Variants in PBX1 observed in about 807,000 individuals in gnomAD.
The protein encoded by PBX1 is PBX homeobox 1, also known as pre-B-cell leukemia transcription factor 1.
PBX1 carries 6 observed loss-of-function variants against 53.4 expected under a neutral mutation model. The ratio of observed to expected loss-of-function variants is 0.11; its 90% CI spans 0.06 to 0.22. The LOEUF (loss-of-function observed/expected upper bound fraction) is 0.22. Among genes scored for constraint, PBX1 ranks in the 10% least tolerant of loss-of-function variants. The pLI is 1.00. For synonymous variants in PBX1, 204 were observed against 212.3 expected, an observed-to-expected ratio of 0.96 and a Z score of 0.34; for missense variants, 251 against 551.4, an observed-to-expected ratio of 0.46 and a Z score of 5.46.
At chr1:164,587,805 G>A (rs1214550448) in intron 2 of PBX1, among the ~76,000 whole-genome samples, 4 of 152,162 alleles carry the variant, frequency 2.6e-5, no homozygotes, top group African/African-American at 9.7e-5. Context: ...CGCCACACCA[G>A]GGGGTGTCCC....
chr1:164,585,225 G>T lies in PBX1; in HGVS notation c.265+21914G>T, dbSNP rs1022914446. 2.0e-5 allele frequency among the ~76,000 whole-genome samples: 3 copies of T among 152,118 alleles called. No individual in the cohort carries two copies. The South Asian group carries it at 6.2e-4, about 32-fold the overall frequency. On this transcript the variant is annotated intron_variant, in intron 2 of 8. Transcript: ENST00000420696. ...CTCTTCCTGGGGAAGAGTGAAAGAAGAATTTTACCCACCTTTTTCCATTCC... is the reference window on the plus strand; with the variant it reads ...CTCTTCCTGGGGAAGAGTGAAAGAATAATTTTACCCACCTTTTTCCATTCC...
intron 2 of PBX1, among the ~76,000 whole-genome samples, chr1:164,872,669 G>C (rs1267480386): frequency 1.3e-5 from 2 of 152,166 alleles, no homozygotes; most frequent in Non-Finnish European, 2.9e-5. Context: ...CTTTTTGGCA[G>C]CCACCACACA....
chr1:164,701,026 A>C (rs1342025756), intron 2 of PBX1, among the ~76,000 whole-genome samples: 1 of 152,208 alleles, frequency 6.6e-6, no homozygotes, highest in Non-Finnish European at 1.5e-5. Flanking sequence ...ACATTACGCA[A>C]ATAGCCAAGT....
chr1:164,655,115 T>A (rs1433700781), intron 2 of PBX1, among the ~76,000 whole-genome samples: 26 of 137,252 alleles, frequency 1.9e-4, no homozygotes, highest in African/African-American at 6.7e-4. Flanking sequence ...TTTTTTTTTT[T>A]TATTTTTATT....
chr1:164,836,058 T>A (rs911995361), intron 8 of PBX1, among the ~76,000 whole-genome samples: 2 of 152,146 alleles, frequency 1.3e-5, no homozygotes, highest in Non-Finnish European at 2.9e-5. Context: ...CCTTGGCTTG[T>A]TTATATAGCC....
rs937839812 is a variant in PBX1, at chr1:164,588,929, T to C, written c.265+25618T>C. ...CCTTTCTGTTGTTTAAAGAGAATCT[T>C]TCTCTCTTTTTTGAGGCTCCAGCGG... On this transcript the variant is annotated intron_variant, in intron 2 of 8. Transcript: ENST00000420696. Among the ~76,000 whole-genome samples, 6 of 152,148 alleles carry C rather than the reference T, an allele frequency of 3.9e-5. No homozygotes were observed. In the South Asian group the frequency reaches 8.3e-4, roughly 21 times the overall value.
chr1:164,689,352 A>G (rs1473393579), intron 2 of PBX1, among the ~76,000 whole-genome samples: 1 of 150,750 alleles, frequency 6.6e-6, no homozygotes, highest in Non-Finnish European at 1.5e-5. Context: ...TTTCCTCCAG[A>G]ATAACCTGTC....
chr1:164,875,759 T>C (rs901213707), intron 2 of PBX1, among the ~76,000 whole-genome samples: 6 of 152,128 alleles, frequency 3.9e-5, no homozygotes, highest in African/African-American at 1.4e-4. Context: ...AGCCCTTTCT[T>C]AAAGGGATAT....
chr1:164,621,230 G>A (rs924630090), intron 2 of PBX1, among the ~76,000 whole-genome samples: 2 of 150,682 alleles, frequency 1.3e-5, no homozygotes, highest in African/African-American at 4.9e-5. Flanking sequence ...CTTGTGATCC[G>A]CCTGCCTCAG....
intron 2 of PBX1, among the ~76,000 whole-genome samples, chr1:164,575,425 T>C (rs1181952067): frequency 6.6e-6 from 1 of 152,198 alleles, no homozygotes; most frequent in African/African-American, 2.4e-5. Context: ...TTGAGACAGG[T>C]TGAATCTGCC....
chr1:164,830,764 G>A (rs969391279), intron 8 of PBX1, among the ~76,000 whole-genome samples: 24 of 152,072 alleles, frequency 1.6e-4, no homozygotes, highest in African/African-American at 5.8e-4. Flanking sequence ...CCTCTGCCTC[G>A]CCGTTTCTTC....
intron 2 of PBX1, chr1:164,656,990 A>G (rs1385459306): frequency 6.6e-6 from 1 of 152,216 alleles, no homozygotes; most frequent in East Asian, 1.9e-4. Flanking sequence ...TCAAACTCCC[A>G]TATGGAGTAT....
intron 2 of PBX1, among the ~76,000 whole-genome samples, chr1:164,671,183 CTT>C (rs113820078): frequency 2.7e-4 from 40 of 145,480 alleles, no homozygotes; most frequent in Admixed American, 2.8e-4. Context: ...TAAGATAGCC[CTT>C]TTTTTTTTTT....
chr1:164,687,980 A>G (rs73023286), intron 2 of PBX1, among the ~76,000 whole-genome samples: 2,652 of 152,216 alleles, frequency 0.017, 83 homozygotes, highest in African/African-American at 0.061. Context: ...CTCTGTTATG[A>G]TATGCCCAAG....
chr1:164,729,271 C>T (rs375689058), intron 2 of PBX1, among the ~76,000 whole-genome samples: 117 of 152,280 alleles, frequency 7.7e-4, no homozygotes, highest in Non-Finnish European at 1.4e-3. Flanking sequence ...TGAGTTTTCC[C>T]TAAATGATAA....
At position 164,632,261 on chromosome 1, in the gene PBX1, G is replaced by C. The variant is rs543124258; in HGVS notation, c.265+68950G>C. 2.7e-4 allele frequency among the ~76,000 whole-genome samples: 41 copies of C among 152,298 alleles called. 1 individual carries two copies. The highest frequency in any genetic ancestry group is 6.8e-3 in the Middle Eastern group (2 of 294). ...TCATTGACATGGCTGCACTGGAGTT[G>C]AAGTTACAAAGCAGGAAGTATCATT... On this transcript the variant is annotated intron_variant, in intron 2 of 8. Transcript: ENST00000420696.
chr1:164,884,548 GC>G (rs1404540796), intron 2 of PBX1: 2 of 512,486 alleles, frequency 3.9e-6, no homozygotes, highest in Non-Finnish European at 7.6e-6. Context: ...CCAGGAAATT[GC>G]AAGAACCTAT....
intron 2 of PBX1, among the ~76,000 whole-genome samples, chr1:164,707,884 A>G (rs1219784526): frequency 6.6e-6 from 1 of 152,226 alleles, no homozygotes; most frequent in Non-Finnish European, 1.5e-5. Flanking sequence ...CGATTGCGCT[A>G]TCTTGATTAG....
rs946028772 is a variant in PBX1, at chr1:164,846,727, G to A, written c.*51G>A. On this transcript the variant is annotated 3_prime_UTR_variant, in exon 9 of 9. Transcript: ENST00000420696. ...ACCCTGTGCCCCAGTTGGGGCAGGG[G>A]CAGGAGGGAGGGTTTCTCTCCCAAC... is the stretch of plus-strand genomic sequence containing the variant. 6.2e-7 allele frequency: 1 copy of A among 1,613,492 alleles called. No individual in the cohort carries two copies. Among genetic ancestry groups the A allele is most frequent in the Non-Finnish European group, 8.5e-7 (1 of 1,179,842 alleles).
Sources: gnomAD v4.1 joint callset for allele counts (sites outside exome capture counted in the v4.1 genomes callset) on GRCh38, gnomAD v4.1.1 for gene constraint, MANE v1.5 for transcripts, NCBI Gene and HGNC (gene_info 2026-07-23, HGNC 2026-07-21) for gene names.